Variants in SLC38A11 observed in about 807,000 individuals in gnomAD.
SLC38A11 encodes the protein solute carrier family 38 member 11, also known as putative sodium-coupled neutral amino acid transporter 11.
SLC38A11 carries 51 observed loss-of-function variants against 49.4 expected under a neutral mutation model. The observed-to-expected ratio is 1.03, with a 90% CI of 0.83 to 1.30. SLC38A11 has a LOEUF of 1.30. Ranked by LOEUF, SLC38A11 falls within the 50% of genes most tolerant of loss-of-function variation. The probability of loss-of-function intolerance (pLI) is 0.00; values close to 1 mark genes in which losing one functional copy is unlikely to be tolerated. For synonymous variants in SLC38A11, 203 were observed against 192.9 expected, an observed-to-expected ratio of 1.05 and a Z score of -0.43; for missense variants, 574 against 556.2, an observed-to-expected ratio of 1.03 and a Z score of -0.32.
At chr2:164,926,489 T>C (rs1204985799) in intron 7 of SLC38A11, among the ~76,000 whole-genome samples, 1 of 152,044 alleles carries the variant, frequency 6.6e-6, no homozygotes, top group African/African-American at 2.4e-5. Flanking sequence ...TGAAACTTAA[T>C]CCCCAGTGAA....
At chr2:164,903,760 G>A (rs1684814295) in intron 11 of SLC38A11, among the ~76,000 whole-genome samples, 1 of 152,116 alleles carries the variant, frequency 6.6e-6, no homozygotes, top group African/African-American at 2.4e-5. Context: ...ATAAAGATGG[G>A]ACAGTTCTTA....
chr2:164,927,063 A>T (rs1686652847), intron 7 of SLC38A11, among the ~76,000 whole-genome samples: 1 of 152,198 alleles, frequency 6.6e-6, no homozygotes, highest in Non-Finnish European at 1.5e-5. Context: ...TTAGGCCATT[A>T]GGGCAGAGCC....
chr2:164,941,460 G>C (rs868039702), intron 5 of SLC38A11, among the ~76,000 whole-genome samples: 2 of 152,002 alleles, frequency 1.3e-5, no homozygotes, highest in African/African-American at 4.8e-5. Flanking sequence ...TGCCTCACAA[G>C]ATATACAAAC....
intron 11 of SLC38A11, among the ~76,000 whole-genome samples, chr2:164,900,618 A>G (rs552873455): frequency 1.8e-4 from 27 of 152,158 alleles, no homozygotes; most frequent in African/African-American, 6.0e-4. Flanking sequence ...AATATCTGCT[A>G]AGGTCCTTTG....
intron 7 of SLC38A11, among the ~76,000 whole-genome samples, chr2:164,923,626 T>G (rs1686360962): frequency 6.6e-6 from 1 of 151,516 alleles, no homozygotes; most frequent in Non-Finnish European, 1.5e-5. Context: ...TGGGACCCCA[T>G]CTCTACAAAA....
intron 8 of SLC38A11, 44 bp from the exon 9 acceptor site, chr2:164,915,317 G>C: frequency 6.5e-7 from 1 of 1,533,838 alleles, no homozygotes. Flanking sequence ...AAGCACCAGG[G>C]TTTTCTTTTT....
rs76197374 is a variant in SLC38A11, at chr2:164,925,915, C to T, written c.618-9942G>A. Among the ~76,000 whole-genome samples, 843 of 152,258 alleles carry T rather than the reference C, an allele frequency of 5.5e-3. 6 individuals are homozygous for T. Among genetic ancestry groups the T allele is most frequent in the African/African-American group, 0.018 (746 of 41,550 alleles). On this transcript the variant is annotated intron_variant, in intron 7 of 11. Transcript: ENST00000685975. ...TTGGCAGTGAGTTCTGGGCCATCTA[C>T]CCATATAGTTCTCCAAGCTGGAAAC...
At chr2:164,914,299 A>G (rs1685611216) in intron 9 of SLC38A11, among the ~76,000 whole-genome samples, 1 of 151,856 alleles carries the variant, frequency 6.6e-6, no homozygotes, top group Non-Finnish European at 1.5e-5. Context: ...TGCCCTGACT[A>G]CTACACTACA....
At chr2:164,949,680 A>C (rs916650419) in intron 3 of SLC38A11, among the ~76,000 whole-genome samples, 1 of 152,240 alleles carries the variant, frequency 6.6e-6, no homozygotes, top group African/African-American at 2.4e-5. Flanking sequence ...CCTTGAAGGA[A>C]GAACAAGATT....
At chr2:164,918,539 GA>G (rs1685959096) in intron 7 of SLC38A11, among the ~76,000 whole-genome samples, 1 of 152,086 alleles carries the variant, frequency 6.6e-6, no homozygotes. Context: ...ATTTAAAAGT[GA>G]AAAGTTAGAA....
At chr2:164,948,068 A>C (rs1823888) in intron 3 of SLC38A11, among the ~76,000 whole-genome samples, 121,361 of 152,114 alleles carry the variant, frequency 0.8, 48,841 homozygotes, top group East Asian at 0.99. Flanking sequence ...CCATTAATGC[A>C]TTTGGATAAA....
At chr2:164,939,399 T>C (rs374990343) in intron 6 of SLC38A11, 51 bp downstream of exon 6, 121 of 1,254,782 alleles carry the variant, frequency 9.6e-5, no homozygotes, top group Middle Eastern at 2.0e-4. Context: ...GACAGTAGAT[T>C]ATGCAGGCAA....
At chr2:164,905,494 C>T (rs2105448059) in intron 11 of SLC38A11, among the ~76,000 whole-genome samples, 1 of 152,140 alleles carries the variant, frequency 6.6e-6, no homozygotes, top group East Asian at 1.9e-4. Flanking sequence ...GTTGCATGAT[C>T]CAGCGTGTAT....
chr2:164,952,884 T>C, intron 2 of SLC38A11, 103 bp from the exon 3 acceptor site: 3 of 782,846 alleles, frequency 3.8e-6, no homozygotes, highest in Non-Finnish European at 6.5e-6. Context: ...AGTCAATTTA[T>C]ATACTTATAT....
chr2:164,908,344 T>C (rs1685160878), intron 11 of SLC38A11, among the ~76,000 whole-genome samples: 1 of 152,074 alleles, frequency 6.6e-6, no homozygotes, highest in Non-Finnish European at 1.5e-5. Flanking sequence ...TTTTTTGCTG[T>C]GAGAGACCTG....
In SLC38A11 at chr2:164,907,169, G is replaced by A. The variant is rs560036266; in HGVS notation, c.1095+1471C>T. On this transcript the variant is annotated intron_variant, in intron 11 of 11. Coordinates refer to ENST00000685975, the MANE Select transcript of SLC38A11 (RefSeq NM_001351537.2). Reference sequence around the variant, plus strand: ...CAAAATACAACCAAGAAGTCATTCTGCCCCCTGTCTTCCCAATGGAATCTG... The same window carrying A: ...CAAAATACAACCAAGAAGTCATTCTACCCCCTGTCTTCCCAATGGAATCTG... 5.3e-5 allele frequency among the ~76,000 whole-genome samples: 8 copies of A among 151,624 alleles called. No homozygotes were observed. The South Asian group carries it at 1.7e-3, about 32-fold the overall frequency.
rs1212413735 is a variant in SLC38A11 at position 164,954,646 on chromosome 2, C to T, written c.139G>A (p.Gly47Arg). The change falls in exon 2 of 12, where the codon GGA (glycine) becomes AGA (arginine). Residue 47 changes from glycine (G) to arginine (R), a missense_variant. Physicochemically the swap from Gly to Arg is moderately radical, Grantham distance 125. Coordinates refer to ENST00000685975, the MANE Select transcript of SLC38A11 (RefSeq NM_001351537.2). Reference protein sequence around the residue: ...ALFNVVNSIIGSGIIGLPYSM... With the variant: ...ALFNVVNSIIRSGIIGLPYSM... The stretch of plus-strand genomic sequence containing the variant: ...ATACACTTACCTATTATACCAGATC[C>T]TATAATCGAGTTGACAACATTAAAA... 3 of 1,522,962 alleles carry T rather than the reference C, an allele frequency of 2.0e-6. No individual in the cohort carries two copies. The East Asian group carries it at 7.4e-5, about 38-fold the overall frequency. The allele number at this position is 1,522,962 out of a possible 1,614,324, so 94.3% of individuals were successfully genotyped here. A position where few individuals can be genotyped will look rare whatever the true frequency, so the allele number is the denominator to read the frequency against.
At chr2:164,945,114 A>G (rs1688015424) in intron 4 of SLC38A11, among the ~76,000 whole-genome samples, 3 of 152,170 alleles carry the variant, frequency 2.0e-5, no homozygotes, top group Admixed American at 6.5e-5. Context: ...CATAGTACTG[A>G]TTTTTAAAAA....
chr2:164,928,279 A>G (rs1312481610), intron 7 of SLC38A11, among the ~76,000 whole-genome samples: 1 of 152,204 alleles, frequency 6.6e-6, no homozygotes, highest in East Asian at 1.9e-4. Context: ...AGCAAATTTT[A>G]CCAGCATGAA....
Sources: gnomAD v4.1 joint callset for allele counts (sites outside exome capture counted in the v4.1 genomes callset) on GRCh38, gnomAD v4.1.1 for gene constraint, MANE v1.5 for transcripts, NCBI Gene and HGNC (gene_info 2026-07-23, HGNC 2026-07-21) for gene names.